The following GSG1L variants were observed in gnomAD, a reference collection of about 807,000 sequenced individuals.
The protein encoded by GSG1L is germ cell-specific gene 1-like protein.
Under a neutral mutation model 42.1 loss-of-function variants are expected in GSG1L, and 24 were observed. The observed-to-expected ratio is 0.57, with a 90% CI of 0.41 to 0.80. The LOEUF (loss-of-function observed/expected upper bound fraction) is 0.80. Ranked by LOEUF, GSG1L falls within the 30% of genes least tolerant of loss-of-function variation. The pLI, the probability that GSG1L is intolerant of heterozygous loss-of-function variation, is 0.00. For missense variants in GSG1L, 445 were observed against 472.2 expected (o/e 0.94, Z 0.53); for synonymous variants, 215 against 203.5 (o/e 1.06, Z -0.48).
At chr16:27,997,309 CTTTTTTTTT>C (rs34188570) in intron 1 of GSG1L, among the ~76,000 whole-genome samples, 3 of 70,594 alleles carry the variant, frequency 4.2e-5, no homozygotes, top group African/African-American at 4.6e-5. Flanking sequence ...GTGTTCTCCA[CTTTTTTTTT>C]TTTTTTTTTT....
intron 3 of GSG1L, among the ~76,000 whole-genome samples, chr16:27,865,592 TAC>T (rs1395794457): frequency 7.4e-5 from 9 of 121,868 alleles, no homozygotes; most frequent in African/African-American, 2.3e-4. Context: ...CATACATACA[TAC>T]ACACACATAT....
intron 2 of GSG1L, among the ~76,000 whole-genome samples, chr16:27,895,965 A>T (rs116195658): frequency 6.6e-6 from 1 of 152,128 alleles, no homozygotes; most frequent in East Asian, 1.9e-4. Flanking sequence ...TAGAGTCTCA[A>T]TCCTCAAAGG....
chr16:27,974,124 C>A (rs941703945), intron 1 of GSG1L, among the ~76,000 whole-genome samples: 1 of 152,122 alleles, frequency 6.6e-6, no homozygotes, highest in Non-Finnish European at 1.5e-5. Context: ...TTCCCAGAGG[C>A]CCACTGGAGG....
chr16:27,953,197 C>T (rs2141097819), intron 2 of GSG1L, among the ~76,000 whole-genome samples: 1 of 152,322 alleles, frequency 6.6e-6, no homozygotes, highest in East Asian at 1.9e-4. Context: ...TCAAGTGATC[C>T]TCCTGCCTCA....
chr16:27,984,499 C>T (rs998726830), intron 1 of GSG1L, among the ~76,000 whole-genome samples: 1 of 152,058 alleles, frequency 6.6e-6, no homozygotes. Flanking sequence ...GACGGAAGCC[C>T]AGCTAGCAAC....
At chr16:27,910,973 A>G (rs1285091769) in intron 2 of GSG1L, among the ~76,000 whole-genome samples, 1 of 152,144 alleles carries the variant, frequency 6.6e-6, no homozygotes, top group Non-Finnish European at 1.5e-5. Context: ...TGATTGCATC[A>G]CTGCACTCCA....
At chr16:27,900,302 A>G (rs374163777) in intron 2 of GSG1L, among the ~76,000 whole-genome samples, 1 of 152,180 alleles carries the variant, frequency 6.6e-6, no homozygotes, top group Non-Finnish European at 1.5e-5. Context: ...ATTCATCTCC[A>G]CAACCACTCT....
intron 1 of GSG1L, among the ~76,000 whole-genome samples, chr16:27,974,879 G>A (rs2085234024): frequency 6.6e-6 from 1 of 152,142 alleles, no homozygotes; most frequent in Non-Finnish European, 1.5e-5. Context: ...GGGGCTCACT[G>A]AAGACCGACG....
intron 5 of GSG1L, among the ~76,000 whole-genome samples, chr16:27,819,108 G>C (rs1369075463): frequency 6.6e-6 from 1 of 152,062 alleles, no homozygotes; most frequent in Non-Finnish European, 1.5e-5. Context: ...AAATTAGCCA[G>C]GCATGGTGGC....
intron 3 of GSG1L, among the ~76,000 whole-genome samples, chr16:27,861,421 T>C (rs2083650313): frequency 6.6e-6 from 1 of 151,990 alleles, no homozygotes; most frequent in East Asian, 1.9e-4. Context: ...AGTGGGAGTG[T>C]CAACTCTGCG....
At chr16:27,831,681 G>A (rs369976133) in intron 4 of GSG1L, among the ~76,000 whole-genome samples, 6 of 152,202 alleles carry the variant, frequency 3.9e-5, no homozygotes, top group Admixed American at 6.5e-5. Context: ...GATGCTATGC[G>A]GTGGAGCAGA....
intron 2 of GSG1L, among the ~76,000 whole-genome samples, chr16:27,928,695 G>T (rs2084624242): frequency 6.6e-6 from 1 of 152,174 alleles, no homozygotes; most frequent in Admixed American, 6.5e-5. Context: ...TCGCCAAGCA[G>T]GCCCAGGCCT....
At chr16:28,008,233 C>G (rs1378071268) in intron 1 of GSG1L, among the ~76,000 whole-genome samples, 1 of 152,148 alleles carries the variant, frequency 6.6e-6, no homozygotes, top group African/African-American at 2.4e-5. Context: ...GTGTGCACCA[C>G]CACACACGGC....
At chr16:28,043,262 G>A (rs796089531) in intron 1 of GSG1L, among the ~76,000 whole-genome samples, 13 of 152,162 alleles carry the variant, frequency 8.5e-5, no homozygotes, top group Admixed American at 4.6e-4. Context: ...AACCCAGAGG[G>A]TGGAAAGCAA....
At chr16:27,802,601 C>T (rs568147684) in intron 6 of GSG1L, among the ~76,000 whole-genome samples, 28 of 152,198 alleles carry the variant, frequency 1.8e-4, no homozygotes, top group Non-Finnish European at 1.0e-4. Flanking sequence ...CTTTCCCCAC[C>T]GGCCTCTGGC....
At position 27,790,092 on chromosome 16, in the gene GSG1L, AGGAT is replaced by A. The variant is rs1220709657; in HGVS notation, c.*1274_*1277del. On this transcript the variant is annotated 3_prime_UTR_variant, in exon 7 of 7. Coordinates refer to ENST00000447459, the MANE Select transcript of GSG1L (RefSeq NM_001109763.2). ...AATGGATAGATGATGGATGGATGGA[AGGAT>A]GGATGAATGAATGAATGATGGATGG... The A allele has an allele frequency of 6.6e-6, 1 of 151,308 alleles. No individual in the cohort carries two copies. The highest frequency in any genetic ancestry group is 1.5e-5 in the Non-Finnish European group (1 of 67,778). 9.4% of individuals were successfully genotyped at this position (151,308 alleles called of 1,614,324 possible). A position where few individuals can be genotyped will look rare whatever the true frequency, so the allele number is the denominator to read the frequency against.
At chr16:27,825,093 T>TG (rs568401056) in intron 5 of GSG1L, among the ~76,000 whole-genome samples, 56 of 152,256 alleles carry the variant, frequency 3.7e-4, no homozygotes, top group African/African-American at 1.3e-3. Context: ...TCCTCTCTCC[T>TG]GGGGCTTTGG....
chr16:27,926,890 C>G (rs777239840), intron 2 of GSG1L, among the ~76,000 whole-genome samples: 12 of 152,084 alleles, frequency 7.9e-5, no homozygotes, highest in Non-Finnish European at 8.8e-5. Flanking sequence ...TCTCAACAAC[C>G]CTGTGAGGTA....
At chr16:27,931,809 G>A (rs1237923082) in intron 2 of GSG1L, among the ~76,000 whole-genome samples, 2 of 152,192 alleles carry the variant, frequency 1.3e-5, no homozygotes, top group African/African-American at 4.8e-5. Flanking sequence ...CTATCACTAA[G>A]AGAACAGACA....
Sources: allele counts gnomAD v4.1 joint callset (sites outside exome capture counted in the v4.1 genomes callset), GRCh38; gene constraint gnomAD v4.1.1; transcripts MANE v1.5; gene names NCBI Gene and HGNC (gene_info 2026-07-23, HGNC 2026-07-21).